The following AGBL3 variants were observed in gnomAD, a reference collection of about 807,000 sequenced individuals.
AGBL3 encodes AGBL carboxypeptidase 3.
Under a neutral mutation model 94.5 loss-of-function variants are expected in AGBL3, and 68 were observed. The observed-to-expected ratio is 0.72, with a 90% CI of 0.59 to 0.88. The LOEUF is 0.88. AGBL3 is among the 40% of genes least tolerant of loss of function. The pLI is 0.00. For missense variants in AGBL3, 934 were observed against 1,103.8 expected, an observed-to-expected ratio of 0.85 and a Z score of 2.18; for synonymous variants, 354 against 370.7, an observed-to-expected ratio of 0.95 and a Z score of 0.52.
chr7:135,034,583 C>A lies in AGBL3; in HGVS notation c.992C>A (p.Thr331Lys), dbSNP rs992145042. The A allele has an allele frequency of 9.7e-6, 15 of 1,551,782 alleles. No individual in the cohort carries two copies. The highest frequency in any genetic ancestry group is 7.1e-5 in the South Asian group (6 of 84,066). The change falls in exon 7 of 17, where the codon ACG becomes AAG. Residue 331 changes from threonine to lysine, a missense_variant. Physicochemically the swap from Thr to Lys is moderately conservative, Grantham distance 78. This residue lies in a region of AGBL3 where 488 missense variants were observed against 563.6 expected (regional missense o/e 0.87). Coordinates refer to ENST00000436302, the MANE Select transcript of AGBL3 (RefSeq NM_178563.4). ...KFCKIRVLCH[T>K]LARNMVYILT... ...TGTAAAATACGTGTTTTGTGCCACA[C>A]GCTTGCTAGGAACATGGTGTATATT...
At chr7:135,019,033 T>C (rs928023257) in intron 5 of AGBL3, among the ~76,000 whole-genome samples, 1 of 152,242 alleles carries the variant, frequency 6.6e-6, no homozygotes, top group African/African-American at 2.4e-5. Context: ...ACTGGTCTGA[T>C]TTCTGTCACC....
intron 11 of AGBL3, among the ~76,000 whole-genome samples, chr7:135,055,079 C>A (rs1039575612): frequency 4.6e-5 from 7 of 152,082 alleles, no homozygotes; most frequent in African/African-American, 1.7e-4. Flanking sequence ...TTATAATAAC[C>A]CACTCTTGTG....
At chr7:135,037,283 A>G in intron 7 of AGBL3, 135 bp from the exon 8 acceptor site, 1 of 614,178 alleles carries the variant, frequency 1.6e-6, no homozygotes, top group Non-Finnish European at 2.5e-6. Flanking sequence ...TATTAATAAT[A>G]TGCAATATAG....
At chr7:135,093,127 A>G (rs1046117576) in intron 15 of AGBL3, 5 of 151,976 alleles carry the variant, frequency 3.3e-5, no homozygotes, top group African/African-American at 1.2e-4. Flanking sequence ...GACCTGGAAC[A>G]AGACAGGGAT....
At chr7:135,043,894 A>G in intron 8 of AGBL3, 131 bp from the exon 9 acceptor site, 1 of 1,185,932 alleles carries the variant, frequency 8.4e-7, no homozygotes, top group Non-Finnish European at 1.1e-6. Flanking sequence ...GTCAGGAAAT[A>G]AAAAGTAGCT....
chr7:135,118,636 CA>C (rs2117218444), intron 16 of AGBL3, among the ~76,000 whole-genome samples: 1 of 152,154 alleles, frequency 6.6e-6, no homozygotes, highest in African/African-American at 2.4e-5. Context: ...ATTCTTGTAC[CA>C]AGAACCAGGA....
chr7:135,069,935 A>C (rs1819720550), intron 12 of AGBL3, among the ~76,000 whole-genome samples: 1 of 152,224 alleles, frequency 6.6e-6, no homozygotes, highest in South Asian at 2.1e-4. Flanking sequence ...TGAATCCAGG[A>C]GCTGGTTTTT....
At chr7:135,068,678 T>C (rs4427108) in intron 12 of AGBL3, among the ~76,000 whole-genome samples, 141,326 of 152,206 alleles carry the variant, frequency 0.93, 66,445 homozygotes, top group Non-Finnish European at 1. Flanking sequence ...TACAGACAAG[T>C]AAATGTTGAG....
intron 5 of AGBL3, among the ~76,000 whole-genome samples, chr7:135,024,046 T>C (rs1814813073): frequency 6.6e-6 from 1 of 151,994 alleles, no homozygotes; most frequent in Admixed American, 6.6e-5. Context: ...TCTGAGAACA[T>C]TGAGAGAGGT....
At chr7:135,077,116 C>T (rs1820525518) in intron 13 of AGBL3, among the ~76,000 whole-genome samples, 1 of 152,190 alleles carries the variant, frequency 6.6e-6, no homozygotes, top group South Asian at 2.1e-4. Flanking sequence ...GGCTCCCTCT[C>T]CCCAGAGCTA....
intron 12 of AGBL3, among the ~76,000 whole-genome samples, chr7:135,070,081 A>G (rs897271703): frequency 5.5e-4 from 84 of 151,800 alleles, no homozygotes; most frequent in Admixed American, 1.7e-3. Context: ...CTACCATCAG[A>G]GAATACTATA....
rs757289158 is a variant in AGBL3, at chr7:135,034,817, T to C, written c.1226T>C (p.Ile409Thr). The C allele has an allele frequency of 2.3e-5, 36 of 1,552,080 alleles. No individual in the cohort carries two copies. Among genetic ancestry groups the C allele is most frequent in the Middle Eastern group, 3.3e-4 (2 of 6,018 alleles). Residue 409 changes from isoleucine (I) to threonine (T), a missense_variant, in exon 7 of 17, where the codon ATT becomes ACT. Ile to Thr is a moderately conservative substitution (Grantham distance 89, BLOSUM62 -1). This residue lies in a region of AGBL3 where 488 missense variants were observed against 563.6 expected (regional missense o/e 0.87). Transcript: ENST00000436302. Reference sequence around the variant, plus strand: ...CCCATGCTCAATCCAGATGGTGTGATTGTGGGAAATTATCGCTGTTCCTTA... The same window carrying C: ...CCCATGCTCAATCCAGATGGTGTGACTGTGGGAAATTATCGCTGTTCCTTA... ...VVPMLNPDGV[I>T]VGNYRCSLAG... is the part of the protein sequence containing the mutation.
chr7:135,017,354 CAA>C (rs1400359404), intron 5 of AGBL3, 195 bp downstream of exon 5: 3 of 547,206 alleles, frequency 5.5e-6, no homozygotes, highest in East Asian at 6.2e-5. Flanking sequence ...GCAGTTTATG[CAA>C]AGTTACTTTA....
At chr7:135,052,239 C>T (rs1050523735) in intron 11 of AGBL3, among the ~76,000 whole-genome samples, 2 of 152,050 alleles carry the variant, frequency 1.3e-5, no homozygotes, top group Admixed American at 6.6e-5. Flanking sequence ...AGGTAGCATA[C>T]CATCAGCATT....
At chr7:135,042,720 A>G (rs6949416) in intron 8 of AGBL3, among the ~76,000 whole-genome samples, 141,659 of 152,176 alleles carry the variant, frequency 0.93, 66,712 homozygotes, top group Non-Finnish European at 1. Context: ...GACCAGCCTG[A>G]GCAACATAGC....
intron 12 of AGBL3, among the ~76,000 whole-genome samples, chr7:135,066,592 T>G (rs1485310248): frequency 2.0e-5 from 3 of 152,244 alleles, no homozygotes; most frequent in Non-Finnish European, 2.9e-5. Context: ...AATTACCATA[T>G]GATACAGTAA....
At chr7:135,014,346 A>C (rs2133477007) in intron 4 of AGBL3, among the ~76,000 whole-genome samples, 1 of 151,840 alleles carries the variant, frequency 6.6e-6, no homozygotes, top group African/African-American at 2.4e-5. Context: ...TACTTATAAA[A>C]AGCATTCCAA....
At chr7:135,043,341 T>G (rs928365236) in intron 8 of AGBL3, among the ~76,000 whole-genome samples, 4 of 152,116 alleles carry the variant, frequency 2.6e-5, no homozygotes, top group African/African-American at 9.7e-5. Flanking sequence ...TGAAATAAGC[T>G]AGGGACAGAA....
At chr7:135,022,979 C>A (rs1314510634) in intron 5 of AGBL3, among the ~76,000 whole-genome samples, 1 of 152,124 alleles carries the variant, frequency 6.6e-6, no homozygotes, top group Non-Finnish European at 1.5e-5. Flanking sequence ...TTTATCTCCA[C>A]TATTGGCTTA....
Sources: gnomAD v4.1 joint callset for allele counts (sites outside exome capture counted in the v4.1 genomes callset) on GRCh38, gnomAD v4.1.1 for gene constraint, gnomAD v4.1.1 regional missense constraint, MANE v1.5 for transcripts, NCBI Gene and HGNC (gene_info 2026-07-23, HGNC 2026-07-21) for gene names.